The following ATG13 variants were observed in gnomAD, a reference collection of about 807,000 sequenced individuals.
The protein encoded by ATG13 is autophagy related 13.
ATG13 carries 23 observed loss-of-function variants against 65.5 expected under a neutral mutation model. The observed-to-expected ratio is 0.35, with a 90% CI of 0.25 to 0.50. The LOEUF is 0.50. Ranked by LOEUF, ATG13 falls within the 20% of genes least tolerant of loss-of-function variation. The probability of loss-of-function intolerance (pLI) is 0.98; values close to 1 mark genes in which losing one functional copy is unlikely to be tolerated. For missense variants in ATG13, 566 were observed against 677.0 expected, an observed-to-expected ratio of 0.84 and a Z score of 1.82; for synonymous variants, 252 against 245.2, an observed-to-expected ratio of 1.03 and a Z score of -0.26.
chr11:46,645,518 T>G lies in ATG13; in HGVS notation c.150+99T>G, dbSNP rs79005969. ...ATAATAAGTAATACCATTTATAGTATTATAAAAGTAAAATATCTAATTCCA... is the reference window on the plus strand; with the variant it reads ...ATAATAAGTAATACCATTTATAGTAGTATAAAAGTAAAATATCTAATTCCA... On this transcript the variant is annotated intron_variant, in intron 4 of 18. Transcript: ENST00000683050. The G allele has an allele frequency of 2.2e-3, 2,194 of 997,626 alleles. 26 individuals are homozygous for G. In the African/African-American group the frequency reaches 0.033, roughly 15 times the overall value. 61.8% of individuals were successfully genotyped at this position (997,626 alleles called of 1,614,324 possible). A position where few individuals can be genotyped will look rare whatever the true frequency, so the allele number is the denominator to read the frequency against.
chr11:46,618,643 A>C (rs1306009300), intron 1 of ATG13, among the ~76,000 whole-genome samples: 4 of 152,114 alleles, frequency 2.6e-5, no homozygotes, highest in African/African-American at 9.7e-5. Flanking sequence ...AGAAACAACA[A>C]GCTCTTCCTT....
chr11:46,648,925 C>T (rs149133972), intron 5 of ATG13: 39 of 391,204 alleles, frequency 1.0e-4, no homozygotes, highest in African/African-American at 7.3e-4. Context: ...AAGGAAAATT[C>T]CATGACGTAT....
At position 46,666,862 on chromosome 11, in the gene ATG13, AT is replaced by A. The variant is rs112132392; in HGVS notation, c.1137-900del. On this transcript the variant is annotated intron_variant, in intron 14 of 18. Coordinates refer to ENST00000683050, the MANE Select transcript of ATG13 (RefSeq NM_001346311.2). Reference sequence around the variant, plus strand: ...AACTTTCTCCTGATAGAAATTCCTGATTTTTTTTTTTCATTCCCACGGTAAA... The same window carrying A: ...AACTTTCTCCTGATAGAAATTCCTGATTTTTTTTTTCATTCCCACGGTAAA... Among the ~76,000 whole-genome samples, 1,385 of 147,888 alleles carry A rather than the reference AT, an allele frequency of 9.4e-3. 20 individuals carry two copies. The highest frequency in any genetic ancestry group is 0.03 in the African/African-American group (1,223 of 40,430).
chr11:46,659,355 C>G (rs757021857), intron 10 of ATG13, 37 bp from the exon 11 acceptor site: 1 of 1,527,600 alleles, frequency 6.5e-7, no homozygotes. Flanking sequence ...TGACTGCCAC[C>G]ACCATAAAAT....
intron 2 of ATG13, among the ~76,000 whole-genome samples, chr11:46,634,343 C>T (rs928470786): frequency 3.9e-5 from 6 of 151,966 alleles, no homozygotes; most frequent in South Asian, 2.1e-4. Context: ...TGTGATCCAC[C>T]GGCCTCGGCC....
chr11:46,626,272 C>T (rs146697808), intron 1 of ATG13, among the ~76,000 whole-genome samples: 71 of 149,662 alleles, frequency 4.7e-4, no homozygotes, highest in African/African-American at 1.1e-3. Flanking sequence ...TTTTTTGAGA[C>T]GGGAGTTTCA....
chr11:46,663,775 T>C (rs2061665480), intron 11 of ATG13, among the ~76,000 whole-genome samples: 2 of 152,124 alleles, frequency 1.3e-5, no homozygotes, highest in African/African-American at 4.8e-5. Context: ...GACACAGGCA[T>C]ACATGGAATG....
At chr11:46,643,429 T>C (rs1250158822) in intron 2 of ATG13, among the ~76,000 whole-genome samples, 3 of 152,204 alleles carry the variant, frequency 2.0e-5, no homozygotes, top group Non-Finnish European at 4.4e-5. Context: ...ATCTGCTGGC[T>C]CAGGACGTCC....
rs187243114 is a variant in ATG13, at chr11:46,650,162, C to A, written c.318-15C>A. ...CTAAATAGAAGAATGCTGACCATAT[C>A]TTTGTGCCTGGCAGGTGTGATAAAG... On this transcript the variant is annotated splice_polypyrimidine_tract_variant and intron_variant, in intron 6 of 18. Coordinates refer to ENST00000683050, the MANE Select transcript of ATG13 (RefSeq NM_001346311.2). 356 of 1,612,644 alleles carry A rather than the reference C, an allele frequency of 2.2e-4. 6 individuals carry two copies. The highest frequency in any genetic ancestry group is 2.1e-3 in the East Asian group (96 of 44,848).
At chr11:46,618,180 G>C (rs1465696057) in intron 1 of ATG13, 5 of 323,592 alleles carry the variant, frequency 1.5e-5, no homozygotes, top group African/African-American at 8.5e-5. Flanking sequence ...CATAACTCCG[G>C]GGTTGGGTGC....
intron 2 of ATG13, among the ~76,000 whole-genome samples, chr11:46,641,662 G>T (rs73451858): frequency 0.013 from 1,921 of 152,012 alleles, 50 homozygotes; most frequent in African/African-American, 0.044. Context: ...TTCTATAACT[G>T]TATCTGGATT....
At chr11:46,633,026 ATTTTT>A (rs746504456) in intron 2 of ATG13, among the ~76,000 whole-genome samples, 1 of 90,710 alleles carries the variant, frequency 1.1e-5, no homozygotes, top group Admixed American at 1.1e-4. Flanking sequence ...ATATATATAT[ATTTTT>A]TTTTTTTTTT....
rs117177886 is a variant in ATG13, at chr11:46,644,542, A to G, written c.69+182A>G. ...GGGGCGGTATTGGGGGTGTAGCTAA[A>G]ATGTAGCTTCCAATTTTCCACAGCT... On this transcript the variant is annotated intron_variant, in intron 3 of 18. Coordinates refer to ENST00000683050, the MANE Select transcript of ATG13 (RefSeq NM_001346311.2). Among the ~76,000 whole-genome samples, 25 of 152,184 alleles carry G rather than the reference A, an allele frequency of 1.6e-4. 1 individual carries two copies. In the East Asian group the frequency reaches 4.6e-3, roughly 28 times the overall value.
At chr11:46,665,963 C>G (rs917048120) in intron 14 of ATG13, among the ~76,000 whole-genome samples, 3 of 151,880 alleles carry the variant, frequency 2.0e-5, no homozygotes, top group Non-Finnish European at 4.4e-5. Flanking sequence ...TGCCACCACA[C>G]CTGGCTAATT....
chr11:46,657,955 G>A (rs1285863918), intron 10 of ATG13, among the ~76,000 whole-genome samples: 2 of 152,020 alleles, frequency 1.3e-5, no homozygotes, highest in African/African-American at 4.8e-5. Flanking sequence ...TATAATCCCA[G>A]CTACTCAGGA....
chr11:46,634,102 T>C (rs2053008890), intron 2 of ATG13, among the ~76,000 whole-genome samples: 1 of 151,958 alleles, frequency 6.6e-6, no homozygotes, highest in African/African-American at 2.4e-5. Flanking sequence ...GGATTTTTTT[T>C]TTCTTTTTTT....
intron 5 of ATG13, among the ~76,000 whole-genome samples, chr11:46,647,562 G>C (rs959728638): frequency 6.6e-6 from 1 of 151,850 alleles, no homozygotes; most frequent in African/African-American, 2.4e-5. Context: ...ACAGACCTGA[G>C]CCACCATGCC....
chr11:46,625,142 A>G (rs1181123510), intron 1 of ATG13, among the ~76,000 whole-genome samples: 1 of 151,728 alleles, frequency 6.6e-6, no homozygotes, highest in African/African-American at 2.4e-5. Flanking sequence ...AGCCTGGGCA[A>G]CATATCAAGA....
rs565108884 is a variant in ATG13 at position 46,669,067 on chromosome 11, GA to G, written c.1446+158del. Among the ~76,000 whole-genome samples the G allele has an allele frequency of 2.6e-5, 4 of 152,308 alleles. No individual in the cohort carries two copies. The South Asian group carries it at 8.3e-4, about 32-fold the overall frequency. On this transcript the variant is annotated intron_variant, in intron 17 of 18. Transcript: ENST00000683050. ...GAGTCTGGTCTGGGGAGACATTTTG[GA>G]GGCCGATAAACAACAAGGCATTTTT...
Sources: gnomAD v4.1 joint callset for allele counts (sites outside exome capture counted in the v4.1 genomes callset) on GRCh38, gnomAD v4.1.1 for gene constraint, MANE v1.5 for transcripts, NCBI Gene and HGNC (gene_info 2026-07-23, HGNC 2026-07-21) for gene names.